NLGN4Y: variants seen among roughly 807,000 people sequenced by gnomAD.
NLGN4Y encodes the protein neuroligin 4 Y-linked, also known as neuroligin-4, Y-linked.
Under a neutral mutation model 8.4 loss-of-function variants are expected in NLGN4Y, and 4 were observed. The observed-to-expected ratio is 0.48, with a 90% confidence interval of 0.23 to 1.09. The LOEUF (loss-of-function observed/expected upper bound fraction) is 1.09, where lower values mean the gene tolerates loss of function less well. Ranked by LOEUF, NLGN4Y falls within the 50% of genes least tolerant of loss-of-function variation. The pLI is 0.19. For missense variants in NLGN4Y, 90 were observed against 192.3 expected, an observed-to-expected ratio of 0.47 and a Z score of 3.15; for synonymous variants, 35 against 75.6, an observed-to-expected ratio of 0.46 and a Z score of 2.78.
chrY:14,598,055 G>T (rs371338282), intron 1 of NLGN4Y, among the ~76,000 whole-genome samples: 2 of 34,605 alleles, frequency 5.8e-5, no homozygotes, highest in East Asian at 1.6e-3. Flanking sequence ...ACAGGGTGCT[G>T]ACTGATGTAT....
intron 4 of NLGN4Y, among the ~76,000 whole-genome samples, chrY:14,741,763 G>A: frequency 3.0e-5 from 1 of 33,405 alleles, no homozygotes; most frequent in Non-Finnish European, 7.4e-5. Context: ...TTTTTCCCCC[G>A]ATGTTTAAAA....
intron 2 of NLGN4Y, among the ~76,000 whole-genome samples, chrY:14,630,267 A>G: frequency 6.0e-5 from 2 of 33,447 alleles, no homozygotes; most frequent in Admixed American, 5.5e-4. Flanking sequence ...GTAAAGCAGC[A>G]TGTAAAAGAG....
intron 4 of NLGN4Y, among the ~76,000 whole-genome samples, chrY:14,732,048 T>A: frequency 3.0e-5 from 1 of 32,969 alleles, no homozygotes; most frequent in Admixed American, 2.8e-4. Context: ...GCCCTTTGCT[T>A]TCTTTTTTGA....
chrY:14,601,949 G>A (rs2080429023), intron 1 of NLGN4Y, among the ~76,000 whole-genome samples: 2 of 32,273 alleles, frequency 6.2e-5, no homozygotes, highest in Admixed American at 5.6e-4. Flanking sequence ...AGAGGTCACT[G>A]GTACAAGCCC....
At chrY:14,643,936 G>A (rs2150516873) in intron 2 of NLGN4Y, among the ~76,000 whole-genome samples, 14 of 33,418 alleles carry the variant, frequency 4.2e-4, no homozygotes, top group African/African-American at 1.6e-3. Context: ...TTTCAGCTTA[G>A]TGGACTTGTT....
chrY:14,832,740 G>T (rs2043184029), intron 6 of NLGN4Y, among the ~76,000 whole-genome samples: 1 of 33,736 alleles, frequency 3.0e-5, no homozygotes, highest in African/African-American at 1.2e-4. Flanking sequence ...AATAGGTGTG[G>T]GTCACAGACA....
chrY:14,812,166 T>C (rs2043083023), intron 4 of NLGN4Y, among the ~76,000 whole-genome samples: 1 of 33,143 alleles, frequency 3.0e-5, no homozygotes, highest in Non-Finnish European at 7.4e-5. Context: ...ATCTTGACTA[T>C]GAAAATAGCA....
At chrY:14,568,768 A>G (rs756628168) in intron 1 of NLGN4Y, among the ~76,000 whole-genome samples, 1 of 32,817 alleles carries the variant, frequency 3.0e-5, no homozygotes, top group African/African-American at 1.2e-4. Context: ...AAACATATAT[A>G]TATTTTTTTT....
intron 4 of NLGN4Y, among the ~76,000 whole-genome samples, chrY:14,728,147 A>T (rs989463848): frequency 2.9e-5 from 1 of 33,931 alleles, no homozygotes; most frequent in East Asian, 7.7e-4. Context: ...TTCTTGGATC[A>T]TTGGCATCAT....
intron 2 of NLGN4Y, among the ~76,000 whole-genome samples, chrY:14,704,874 C>A (rs757429853): frequency 9.4e-4 from 31 of 32,967 alleles, no homozygotes; most frequent in Admixed American, 1.7e-3. Context: ...TCAACTTCTT[C>A]ATGGTTTAGA....
chrY:14,687,520 C>T, intron 2 of NLGN4Y, among the ~76,000 whole-genome samples: 3 of 32,661 alleles, frequency 9.2e-5, no homozygotes, highest in Admixed American at 5.6e-4. Context: ...ACATGGATGG[C>T]GGCAGGCAAG....
chrY:14,565,998 GC>G, intron 1 of NLGN4Y, among the ~76,000 whole-genome samples: 1 of 33,415 alleles, frequency 3.0e-5, no homozygotes, highest in South Asian at 6.7e-4. Flanking sequence ...TACCAGACCT[GC>G]CTTACAAGAG....
chrY:14,768,131 T>C (rs2081097573), intron 4 of NLGN4Y, among the ~76,000 whole-genome samples: 1 of 33,813 alleles, frequency 3.0e-5, no homozygotes, highest in Non-Finnish European at 7.3e-5. Flanking sequence ...GGATGAAATA[T>C]AGGTGGAGAG....
In NLGN4Y at chrY:14,699,361, C is replaced by T. The variant is rs201826854; in HGVS notation, c.473-20098C>T. On this transcript the variant is annotated intron_variant, in intron 2 of 6. Transcript: ENST00000684976. ...CATCAGCAATTGTTGGTGTATTTTACGTGTGGCCCAAGACAATTCTTCTTC... is the reference window on the plus strand; with the variant it reads ...CATCAGCAATTGTTGGTGTATTTTATGTGTGGCCCAAGACAATTCTTCTTC... 1.7e-3 allele frequency among the ~76,000 whole-genome samples: 57 copies of T among 33,273 alleles called. No homozygotes were observed. The East Asian group carries it at 0.046, about 27-fold the overall frequency. 89.3% of individuals were successfully genotyped at this position (33,273 alleles called of 37,273 possible).
At chrY:14,540,197 G>A in intron 1 of NLGN4Y, among the ~76,000 whole-genome samples, 2 of 31,416 alleles carry the variant, frequency 6.4e-5, no homozygotes, top group Admixed American at 5.8e-4. Flanking sequence ...CAGTTGTAAA[G>A]AAAGCCGCCT....
intron 2 of NLGN4Y, among the ~76,000 whole-genome samples, chrY:14,699,008 T>C (rs2080840869): frequency 3.0e-5 from 1 of 33,420 alleles, no homozygotes; most frequent in Non-Finnish European, 7.4e-5. Flanking sequence ...AATTTTGTAT[T>C]CTTTCACAAA....
intron 2 of NLGN4Y, among the ~76,000 whole-genome samples, chrY:14,655,414 A>G (rs2080647008): frequency 3.3e-5 from 1 of 30,115 alleles, no homozygotes; most frequent in African/African-American, 1.3e-4. Context: ...TCCATCTTCC[A>G]TACTTCAGCA....
At chrY:14,647,209 A>T in intron 2 of NLGN4Y, among the ~76,000 whole-genome samples, 2 of 34,106 alleles carry the variant, frequency 5.9e-5, no homozygotes, top group African/African-American at 2.3e-4. Context: ...AATGGATTAG[A>T]TGTGGAACAA....
At chrY:14,629,103 G>A in intron 2 of NLGN4Y, among the ~76,000 whole-genome samples, 1 of 33,776 alleles carries the variant, frequency 3.0e-5, no homozygotes, top group Admixed American at 2.7e-4. Context: ...GACCATAAAT[G>A]TTTTTATGTT....
Sources: gnomAD v4.1 joint callset for allele counts (sites outside exome capture counted in the v4.1 genomes callset) on GRCh38, gnomAD v4.1.1 for gene constraint, MANE v1.5 for transcripts, NCBI Gene and HGNC (gene_info 2026-07-23, HGNC 2026-07-21) for gene names.